The following LRFN2 variants were observed in gnomAD, a reference collection of about 807,000 sequenced individuals.
LRFN2 encodes the protein leucine-rich repeat and fibronectin type-III domain-containing protein 2.
LRFN2 carries 18 observed loss-of-function variants against 37.3 expected under a neutral mutation model. The ratio of observed to expected loss-of-function variants is 0.48; its 90% CI spans 0.33 to 0.72. The LOEUF (loss-of-function observed/expected upper bound fraction) is 0.72. Ranked by LOEUF, LRFN2 falls within the 30% of genes least tolerant of loss-of-function variation. LRFN2 has a pLI of 0.02. For missense variants in LRFN2, 1,006 were observed against 1,060.7 expected (o/e 0.95, Z 0.72); for synonymous variants, 556 against 466.6 (o/e 1.19, Z -2.47).
chr6:40,511,974 G>T lies in LRFN2; in HGVS notation c.-19+74967C>A, dbSNP rs147812942. On this transcript the variant is annotated intron_variant, in intron 1 of 2. Transcript: ENST00000338305. ...TAGGGAAAAGAAGGCTGAGGAAGAGGCAGGGAGGGTTTTGCAAAGATGAGC... is the reference window on the plus strand; with the variant it reads ...TAGGGAAAAGAAGGCTGAGGAAGAGTCAGGGAGGGTTTTGCAAAGATGAGC... Among the ~76,000 whole-genome samples the T allele has an allele frequency of 2.5e-3, 375 of 152,312 alleles. 4 individuals carry two copies. The highest frequency in any genetic ancestry group is 8.4e-3 in the African/African-American group (350 of 41,566).
At position 40,432,447 on chromosome 6, in the gene LRFN2, C is replaced by T; in HGVS notation, c.667G>A (p.Ala223Thr). 1 of 1,614,196 alleles carries T rather than the reference C, an allele frequency of 6.2e-7. No individual in the cohort carries two copies. The highest frequency in any genetic ancestry group is 8.5e-7 in the Non-Finnish European group (1 of 1,180,048). The change falls in exon 2 of 3, where the codon GCT becomes ACT. Residue 223 changes from alanine to threonine, a missense_variant. Transcript: ENST00000338305. ...AAGGGTGTGGCTGTCAAAGCCGAAGCCTGGGAGCGGGCAAAGATGGGATCA... is the reference window on the plus strand; with the variant it reads ...AAGGGTGTGGCTGTCAAAGCCGAAGTCTGGGAGCGGGCAAAGATGGGATCA... ...PPDPIFARSQ[A>T]SALTATPFAP... is the part of the protein sequence containing the mutation.
At chr6:40,567,553 C>A (rs1336302911) in intron 1 of LRFN2, among the ~76,000 whole-genome samples, 1 of 152,242 alleles carries the variant, frequency 6.6e-6, no homozygotes, top group Non-Finnish European at 1.5e-5. Context: ...CATCTTCCTC[C>A]TCTCCACTTC....
At chr6:40,439,931 C>G (rs150432369) in intron 1 of LRFN2, among the ~76,000 whole-genome samples, 6 of 152,234 alleles carry the variant, frequency 3.9e-5, no homozygotes, top group African/African-American at 1.2e-4. Context: ...GAAAGAGAGA[C>G]AGAGAATCCC....
chr6:40,459,989 T>C (rs965782548), intron 1 of LRFN2, among the ~76,000 whole-genome samples: 1 of 152,200 alleles, frequency 6.6e-6, no homozygotes, highest in African/African-American at 2.4e-5. Context: ...CCAATATTTA[T>C]AACCACTGTA....
At chr6:40,500,204 C>CT in intron 1 of LRFN2, among the ~76,000 whole-genome samples, 1 of 152,254 alleles carries the variant, frequency 6.6e-6, no homozygotes, top group Admixed American at 6.5e-5. Flanking sequence ...GTGCTGACTA[C>CT]TCTGCCTGCC....
chr6:40,419,504 A>G (rs374181279), intron 2 of LRFN2, among the ~76,000 whole-genome samples: 1 of 152,230 alleles, frequency 6.6e-6, no homozygotes, highest in East Asian at 1.9e-4. Flanking sequence ...AGCCCAGGCC[A>G]GACCAGTTCA....
At chr6:40,451,269 T>C (rs1438611746) in intron 1 of LRFN2, among the ~76,000 whole-genome samples, 1 of 152,202 alleles carries the variant, frequency 6.6e-6, no homozygotes, top group Non-Finnish European at 1.5e-5. Flanking sequence ...CTCCCAAAGT[T>C]CAATTCCTAT....
intron 1 of LRFN2, among the ~76,000 whole-genome samples, chr6:40,576,991 C>A (rs1767291943): frequency 6.6e-6 from 1 of 152,046 alleles, no homozygotes; most frequent in Admixed American, 6.6e-5. Flanking sequence ...ATTCCTAAAA[C>A]CCCACCCCCA....
chr6:40,560,616 G>T (rs936952615), intron 1 of LRFN2, among the ~76,000 whole-genome samples: 6 of 152,158 alleles, frequency 3.9e-5, no homozygotes, highest in African/African-American at 1.4e-4. Context: ...ACTCAGATTG[G>T]TGTTTATCAA....
At chr6:40,428,640 T>G (rs1366294901) in intron 2 of LRFN2, among the ~76,000 whole-genome samples, 2 of 152,230 alleles carry the variant, frequency 1.3e-5, no homozygotes, top group African/African-American at 4.8e-5. Flanking sequence ...CCCTGCCTCT[T>G]TCTGCTGTGT....
intron 1 of LRFN2, among the ~76,000 whole-genome samples, chr6:40,566,533 A>G (rs1767093256): frequency 6.6e-6 from 1 of 151,788 alleles, no homozygotes; most frequent in South Asian, 2.1e-4. Context: ...GCACATATAC[A>G]CCATGGAATA....
At chr6:40,491,046 T>C (rs750756947) in intron 1 of LRFN2, among the ~76,000 whole-genome samples, 10 of 152,062 alleles carry the variant, frequency 6.6e-5, no homozygotes, top group Admixed American at 4.6e-4. Context: ...ACAAAGAGGA[T>C]AGGGAAGCCA....
Position 40,432,365 on chromosome 6 carries a change from A to G in LRFN2, c.749T>C (p.Leu250Pro). Reference sequence around the variant, plus strand: ...CCGCTCGAGCCTCCGCAGCCAGAGAAGCTCACAATTGCAGTGAAGTGGGTT... The same window carrying G: ...CCGCTCGAGCCTCCGCAGCCAGAGAGGCTCACAATTGCAGTGAAGTGGGTT... Reference protein sequence around the residue: ...GGNPLHCNCELLWLRRLERDD... With the variant: ...GGNPLHCNCEPLWLRRLERDD... The change falls in exon 2 of 3, where the codon CTT becomes CCT. Residue 250 changes from leucine to proline, a missense_variant. By Grantham distance (98) the Leu-to-Pro change is moderately conservative. Around this residue, in one of 4 missense-constraint regions of LRFN2, gnomAD observed 303 missense variants for 299.8 expected, o/e 1.01. Transcript: ENST00000338305. The G allele has an allele frequency of 6.2e-7, 1 of 1,614,202 alleles. No homozygotes were observed. Among genetic ancestry groups the G allele is most frequent in the Non-Finnish European group, 8.5e-7 (1 of 1,180,042 alleles).
intron 2 of LRFN2, among the ~76,000 whole-genome samples, chr6:40,397,292 C>T (rs1256464662): frequency 1.3e-5 from 2 of 152,200 alleles, no homozygotes; most frequent in African/African-American, 4.8e-5. Flanking sequence ...GTAGATTCTA[C>T]CTTCTGAACA....
At chr6:40,398,375 AG>A (rs1407537488) in intron 2 of LRFN2, among the ~76,000 whole-genome samples, 1 of 151,850 alleles carries the variant, frequency 6.6e-6, no homozygotes, top group Non-Finnish European at 1.5e-5. Context: ...CACCGGACAA[AG>A]AAGTAGCCGG....
chr6:40,432,436 C>A lies in LRFN2; in HGVS notation c.678G>T (p.Leu226Phe). The change falls in exon 2 of 3, where the codon TTG (leucine) becomes TTT (phenylalanine). Residue 226 changes from leucine to phenylalanine, a missense_variant. Physicochemically the swap from Leu to Phe is conservative, Grantham distance 22. Coordinates refer to ENST00000338305, the MANE Select transcript of LRFN2 (RefSeq NM_020737.3). ...AGGGTGGGGCAAAGGGTGTGGCTGT[C>A]AAAGCCGAAGCCTGGGAGCGGGCAA... is the stretch of plus-strand genomic sequence containing the variant. ...PIFARSQASA[L>F]TATPFAPPLS... The A allele has an allele frequency of 6.2e-7, 1 of 1,614,210 alleles. No individual in the cohort carries two copies. Among genetic ancestry groups the A allele is most frequent in the Non-Finnish European group, 8.5e-7 (1 of 1,180,042 alleles).
chr6:40,460,569 A>C (rs1444323773), intron 1 of LRFN2, among the ~76,000 whole-genome samples: 1 of 152,238 alleles, frequency 6.6e-6, no homozygotes, highest in Non-Finnish European at 1.5e-5. Flanking sequence ...GCAAATTGCC[A>C]TAATAAATGC....
At position 40,566,740 on chromosome 6, in the gene LRFN2, G is replaced by T. The variant is rs544560559; in HGVS notation, c.-19+20201C>A. ...CACACACTGGGGACTGTTGTGGGGT[G>T]GGGGGAGAGGGGAGGAATAGCATTA... On this transcript the variant is annotated intron_variant, in intron 1 of 2. Coordinates refer to ENST00000338305, the MANE Select transcript of LRFN2 (RefSeq NM_020737.3). 1.3e-3 allele frequency among the ~76,000 whole-genome samples: 199 copies of T among 151,578 alleles called. 1 individual carries two copies. Among genetic ancestry groups the T allele is most frequent in the Admixed American group, 3.0e-3 (45 of 15,224 alleles).
intron 1 of LRFN2, among the ~76,000 whole-genome samples, chr6:40,442,790 A>T (rs1482260495): frequency 6.6e-6 from 1 of 152,020 alleles, no homozygotes; most frequent in African/African-American, 2.4e-5. Context: ...TCCTCACTGC[A>T]TGGGGCCCTG....
Sources: allele counts gnomAD v4.1 joint callset (sites outside exome capture counted in the v4.1 genomes callset), GRCh38; gene constraint gnomAD v4.1.1; regional missense constraint gnomAD v4.1.1; transcripts MANE v1.5; gene names NCBI Gene and HGNC (gene_info 2026-07-23, HGNC 2026-07-21).